The following UVRAG variants were observed in gnomAD, a reference collection of about 807,000 sequenced individuals.
UVRAG encodes UV radiation resistance associated, also known as UV radiation resistance-associated gene protein.
A neutral mutation model predicts 78.0 loss-of-function variants in UVRAG; 19 were observed. The ratio of observed to expected loss-of-function variants is 0.24; its 90% CI spans 0.17 to 0.36. The LOEUF (loss-of-function observed/expected upper bound fraction) is 0.36, where lower values mean the gene tolerates loss of function less well. Ranked by LOEUF, UVRAG falls within the 10% of genes least tolerant of loss-of-function variation. The probability of loss-of-function intolerance (pLI) is 1.00; values close to 1 mark genes in which losing one functional copy is unlikely to be tolerated. For missense variants in UVRAG, 740 were observed against 853.8 expected, an observed-to-expected ratio of 0.87 and a Z score of 1.66; for synonymous variants, 323 against 324.6, an observed-to-expected ratio of 1.00 and a Z score of 0.05.
intron 12 of UVRAG, among the ~76,000 whole-genome samples, chr11:76,020,852 CT>C (rs1424754885): frequency 6.6e-6 from 1 of 152,020 alleles, no homozygotes; most frequent in East Asian, 1.9e-4. Context: ...CCCAGAGCAC[CT>C]TTTCCGTGGT....
At chr11:76,062,328 G>A (rs1367383365) in intron 12 of UVRAG, among the ~76,000 whole-genome samples, 2 of 152,148 alleles carry the variant, frequency 1.3e-5, no homozygotes, top group Non-Finnish European at 2.9e-5. Flanking sequence ...GGAGGCCGCC[G>A]TGTAACCCGC....
chr11:76,066,424 A>T (rs1170878439), intron 13 of UVRAG, among the ~76,000 whole-genome samples: 1 of 152,108 alleles, frequency 6.6e-6, no homozygotes, highest in African/African-American at 2.4e-5. Context: ...TAGGCATTCC[A>T]CAAGTTTTCT....
chr11:75,935,328 T>G (rs1416462419), intron 6 of UVRAG, among the ~76,000 whole-genome samples: 4 of 152,236 alleles, frequency 2.6e-5, no homozygotes, highest in Non-Finnish European at 4.4e-5. Context: ...GTATATTTAT[T>G]ATCACATTTG....
chr11:75,992,638 C>T (rs1282697075), intron 8 of UVRAG, among the ~76,000 whole-genome samples: 1 of 152,100 alleles, frequency 6.6e-6, no homozygotes, highest in Non-Finnish European at 1.5e-5. Context: ...CTAGCATAAC[C>T]TGGTCTACTT....
intron 6 of UVRAG, among the ~76,000 whole-genome samples, chr11:75,944,230 T>A (rs1379239684): frequency 1.3e-5 from 2 of 152,164 alleles, no homozygotes; most frequent in African/African-American, 4.8e-5. Context: ...CCTTCCTTCA[T>A]ATTGGAGCTT....
chr11:76,087,112 A>G (rs948745551), intron 13 of UVRAG, among the ~76,000 whole-genome samples: 1 of 152,170 alleles, frequency 6.6e-6, no homozygotes, highest in African/African-American at 2.4e-5. Context: ...CTTAATTTTC[A>G]AGTGTGAGAG....
At chr11:75,898,183 C>A (rs1263255454) in intron 5 of UVRAG, among the ~76,000 whole-genome samples, 5 of 152,056 alleles carry the variant, frequency 3.3e-5, no homozygotes. Flanking sequence ...GCTCTTTAAT[C>A]TTTAGAGTTT....
intron 4 of UVRAG, among the ~76,000 whole-genome samples, chr11:75,882,237 G>A (rs1340191324): frequency 1.3e-5 from 2 of 152,274 alleles, no homozygotes; most frequent in Non-Finnish European, 2.9e-5. Context: ...TGGGCCAGGT[G>A]TGGTGGCTCA....
chr11:75,962,409 A>G (rs1339434859), intron 7 of UVRAG, among the ~76,000 whole-genome samples: 2 of 152,146 alleles, frequency 1.3e-5, no homozygotes, highest in South Asian at 2.1e-4. Flanking sequence ...TAGTAGAAGT[A>G]TAGAAAAGCA....
At chr11:75,957,470 A>T (rs1056621406) in intron 6 of UVRAG, among the ~76,000 whole-genome samples, 7 of 151,564 alleles carry the variant, frequency 4.6e-5, no homozygotes, top group African/African-American at 1.7e-4. Context: ...ATGTAACTTA[A>T]TAGAAACTCT....
chr11:76,060,433 G>A (rs1476522853), intron 12 of UVRAG, among the ~76,000 whole-genome samples: 1 of 152,234 alleles, frequency 6.6e-6, no homozygotes. Flanking sequence ...CGCTCTCAGC[G>A]CCTCTTCTGC....
chr11:75,836,326 A>G (rs1322541363), intron 1 of UVRAG, among the ~76,000 whole-genome samples: 3 of 152,212 alleles, frequency 2.0e-5, no homozygotes, highest in Non-Finnish European at 4.4e-5. Context: ...GATCTAGGCC[A>G]TCTTCCTTAT....
intron 6 of UVRAG, among the ~76,000 whole-genome samples, chr11:75,946,315 G>A (rs1948587456): frequency 6.6e-6 from 1 of 152,164 alleles, no homozygotes; most frequent in African/African-American, 2.4e-5. Context: ...GATTTATAAT[G>A]TGCAGGTGTT....
chr11:75,865,343 TA>T (rs1186409048), intron 3 of UVRAG, among the ~76,000 whole-genome samples: 1 of 147,794 alleles, frequency 6.8e-6, no homozygotes. Context: ...AAATATTAGA[TA>T]AACTGTTCTT....
Position 76,143,440 on chromosome 11 carries a change from C to T in UVRAG, c.*2027C>T, listed in dbSNP as rs969176684. Among the ~76,000 whole-genome samples the T allele has an allele frequency of 8.5e-5, 13 of 152,358 alleles. No homozygotes were observed. The highest frequency in any genetic ancestry group is 3.4e-3 in the Middle Eastern group (1 of 294). On this transcript the variant is annotated 3_prime_UTR_variant, in exon 15 of 15. Transcript: ENST00000356136. ...GGGTCTACCCGTCAGTGCCCCCCACCGCTGTGCAGACTCCCTGGTTGATCC... is the reference window on the plus strand; with the variant it reads ...GGGTCTACCCGTCAGTGCCCCCCACTGCTGTGCAGACTCCCTGGTTGATCC...
chr11:76,104,500 C>T (rs1951936672), intron 13 of UVRAG, among the ~76,000 whole-genome samples: 1 of 152,136 alleles, frequency 6.6e-6, no homozygotes, highest in Admixed American at 6.5e-5. Flanking sequence ...ATTCCTGGCA[C>T]ATAACTAATC....
intron 5 of UVRAG, among the ~76,000 whole-genome samples, chr11:75,902,808 A>C (rs1224874581): frequency 6.6e-6 from 1 of 152,134 alleles, no homozygotes; most frequent in African/African-American, 2.4e-5. Flanking sequence ...CAACATTCCC[A>C]AAGGGCTGGG....
At chr11:76,013,385 G>A (rs947044204) in intron 11 of UVRAG, among the ~76,000 whole-genome samples, 6 of 152,218 alleles carry the variant, frequency 3.9e-5, no homozygotes, top group African/African-American at 1.4e-4. Context: ...ACATACCTGA[G>A]TCTTAAGGTT....
At chr11:76,075,334 GGC>G (rs1951384588) in intron 13 of UVRAG, among the ~76,000 whole-genome samples, 1 of 152,156 alleles carries the variant, frequency 6.6e-6, no homozygotes, top group Non-Finnish European at 1.5e-5. Flanking sequence ...ATTCAGGCCA[GGC>G]GTGGTGGCTC....
Sources: gnomAD v4.1 joint callset for allele counts (sites outside exome capture counted in the v4.1 genomes callset) on GRCh38, gnomAD v4.1.1 for gene constraint, MANE v1.5 for transcripts, NCBI Gene and HGNC (gene_info 2026-07-23, HGNC 2026-07-21) for gene names.